ATP6V0D2: variants seen among roughly 807,000 people sequenced by gnomAD.
ATP6V0D2 encodes the protein V-type proton ATPase subunit d 2.
ATP6V0D2 carries 40 observed loss-of-function variants against 40.0 expected under a neutral mutation model. That is an observed-to-expected ratio of 1.00 (90% confidence interval 0.78 to 1.30). The LOEUF is 1.30. ATP6V0D2 is among the 50% of genes most tolerant of loss of function. ATP6V0D2 has a pLI of 0.00. For missense variants in ATP6V0D2, 470 were observed against 423.1 expected (o/e 1.11, Z -0.97); for synonymous variants, 179 against 156.3 (o/e 1.15, Z -1.08).
rs373309972 is a variant in ATP6V0D2, at chr8:86,099,011, G to A, written c.33G>A (p.Val11=). The part of the protein sequence containing the change: MLEGAELYFN[V]DHGYLEGLVR... ...AAGGTGCGGAGCTGTACTTCAACGTGGACCATGGCTACCTGGAGGGCCTGG... is the reference window on the plus strand; with the variant it reads ...AAGGTGCGGAGCTGTACTTCAACGTAGACCATGGCTACCTGGAGGGCCTGG... Residue 11 remains valine (V), a synonymous_variant, in exon 1 of 8, where the codon GTG becomes GTA. Transcript: ENST00000285393. The A allele has an allele frequency of 4.8e-4, 769 of 1,614,034 alleles. 3 individuals are homozygous for A. Among genetic ancestry groups the A allele is most frequent in the Admixed American group, 2.3e-3 (136 of 59,996 alleles).
intron 4 of ATP6V0D2, among the ~76,000 whole-genome samples, chr8:86,142,635 G>T (rs1313549039): frequency 6.6e-6 from 1 of 151,990 alleles, no homozygotes; most frequent in Admixed American, 6.6e-5. Context: ...CAAAAAAAGT[G>T]CTTGTTAAGT....
intron 6 of ATP6V0D2, among the ~76,000 whole-genome samples, chr8:86,150,931 C>T (rs913241758): frequency 6.6e-6 from 1 of 152,184 alleles, no homozygotes; most frequent in Non-Finnish European, 1.5e-5. Context: ...GAATGACACT[C>T]ATCTTTTCCT....
intron 2 of ATP6V0D2, among the ~76,000 whole-genome samples, chr8:86,138,530 G>T (rs917677870): frequency 6.6e-6 from 1 of 152,064 alleles, no homozygotes; most frequent in Non-Finnish European, 1.5e-5. Flanking sequence ...AGGGTATCCC[G>T]AGCAGAGCTT....
At chr8:86,141,342 A>G (rs1270142440) in intron 3 of ATP6V0D2, 108 bp from the exon 4 acceptor site, 115 of 692,388 alleles carry the variant, frequency 1.7e-4, no homozygotes, top group Non-Finnish European at 3.0e-5. Context: ...GCAACTCTGC[A>G]GTGTTCTTGT....
intron 2 of ATP6V0D2, among the ~76,000 whole-genome samples, chr8:86,124,005 G>A (rs1685524138): frequency 6.6e-6 from 1 of 151,982 alleles, no homozygotes; most frequent in African/African-American, 2.4e-5. Flanking sequence ...TTAATTTGTT[G>A]AATTCCAGTT....
chr8:86,142,576 T>C (rs1202631450), intron 4 of ATP6V0D2, among the ~76,000 whole-genome samples: 1 of 152,212 alleles, frequency 6.6e-6, no homozygotes, highest in Non-Finnish European at 1.5e-5. Context: ...AACTTGGCAC[T>C]CTTGTTAAAA....
chr8:86,113,361 G>A (rs1410103990), intron 1 of ATP6V0D2, among the ~76,000 whole-genome samples: 1 of 151,994 alleles, frequency 6.6e-6, no homozygotes, highest in Non-Finnish European at 1.5e-5. Context: ...ACACGCCTGT[G>A]GCCCCAGTTA....
At chr8:86,119,045 C>A (rs1818632550) in intron 2 of ATP6V0D2, among the ~76,000 whole-genome samples, 1 of 152,042 alleles carries the variant, frequency 6.6e-6, no homozygotes, top group Non-Finnish European at 1.5e-5. Flanking sequence ...GAGGGCAGCC[C>A]AATTTTATCT....
intron 1 of ATP6V0D2, 62 bp from the exon 2 acceptor site, chr8:86,113,647 T>C: frequency 7.0e-7 from 1 of 1,422,212 alleles, no homozygotes; most frequent in Non-Finnish European, 9.6e-7. Context: ...TCAACTAATG[T>C]TGAAAAAGCT....
At chr8:86,151,588 G>T in intron 7 of ATP6V0D2, 48 bp downstream of exon 7, 1 of 1,441,800 alleles carries the variant, frequency 6.9e-7, no homozygotes, top group East Asian at 2.3e-5. Context: ...TCTTACTGTG[G>T]ATTTTATATA....
chr8:86,141,434 C>A lies in ATP6V0D2; in HGVS notation c.482-16C>A, dbSNP rs770682019. 93 of 1,601,830 alleles carry A rather than the reference C, an allele frequency of 5.8e-5. No homozygotes were observed. The Admixed American group carries it at 1.6e-3, about 27-fold the overall frequency. On this transcript the variant is annotated splice_polypyrimidine_tract_variant and intron_variant, in intron 3 of 7. Coordinates refer to ENST00000285393, the MANE Select transcript of ATP6V0D2 (RefSeq NM_152565.1). ...GCTTAAGATTCATTTTTTGGTATGG[C>A]AATTTCTGCTTTCAGCTCCATTCTT...
intron 3 of ATP6V0D2, among the ~76,000 whole-genome samples, chr8:86,140,594 A>T (rs1015634346): frequency 7.2e-5 from 11 of 152,104 alleles, no homozygotes; most frequent in African/African-American, 2.4e-4. Flanking sequence ...CAAATAATAA[A>T]TATTATTATT....
At chr8:86,110,840 G>T (rs1586086625) in intron 1 of ATP6V0D2, among the ~76,000 whole-genome samples, 1 of 152,094 alleles carries the variant, frequency 6.6e-6, no homozygotes, top group African/African-American at 2.4e-5. Context: ...TTTACTCTGG[G>T]ATAGGACAGG....
In ATP6V0D2 at chr8:86,150,172, AAAG is replaced by A. The variant is rs1819123874; in HGVS notation, c.705_707del (p.Glu235del). On this transcript the variant is annotated inframe_deletion, in exon 6 of 8. Transcript: ENST00000285393. ...TAACTCCTTTGGCACTGAATTGAGC[AAAG>A]AAGACCGAGAGACCCTCTATCCAAC... is the stretch of plus-strand genomic sequence containing the variant. 1 of 1,613,544 alleles carries A rather than the reference AAAG, an allele frequency of 6.2e-7. No homozygotes were observed. Among genetic ancestry groups the A allele is most frequent in the Non-Finnish European group, 8.5e-7 (1 of 1,179,910 alleles).
At chr8:86,107,476 G>A (rs1180273904) in intron 1 of ATP6V0D2, among the ~76,000 whole-genome samples, 1 of 152,148 alleles carries the variant, frequency 6.6e-6, no homozygotes, top group Non-Finnish European at 1.5e-5. Context: ...ACTTGCCAGC[G>A]TGGAAAACAG....
intron 5 of ATP6V0D2, 55 bp downstream of exon 5, chr8:86,143,009 A>G (rs376314653): frequency 1.5e-6 from 2 of 1,293,712 alleles, no homozygotes; most frequent in African/African-American, 1.5e-5. Context: ...ACATATTTTT[A>G]TTGTTTTAAC....
intron 1 of ATP6V0D2, among the ~76,000 whole-genome samples, chr8:86,108,575 G>A (rs1158925947): frequency 3.9e-5 from 6 of 152,074 alleles, no homozygotes; most frequent in African/African-American, 1.4e-4. Context: ...GCAGGGGGCT[G>A]CTTGGATAGA....
chr8:86,145,413 G>A (rs185090823), intron 5 of ATP6V0D2, among the ~76,000 whole-genome samples: 1 of 151,786 alleles, frequency 6.6e-6, no homozygotes, highest in Non-Finnish European at 1.5e-5. Flanking sequence ...GAAAAGAAAA[G>A]AAAAGACGAG....
At chr8:86,150,426 G>A (rs1259137392) in intron 6 of ATP6V0D2, 138 bp downstream of exon 6, 4 of 894,498 alleles carry the variant, frequency 4.5e-6, no homozygotes, top group African/African-American at 3.4e-5. Flanking sequence ...GTTTCTTGCT[G>A]AAGCAATCTC....
Sources: gnomAD v4.1 joint callset for allele counts (sites outside exome capture counted in the v4.1 genomes callset) on GRCh38, gnomAD v4.1.1 for gene constraint, MANE v1.5 for transcripts, NCBI Gene and HGNC (gene_info 2026-07-23, HGNC 2026-07-21) for gene names.